ADAMTS12: variants seen among roughly 807,000 people sequenced by gnomAD.
ADAMTS12 encodes ADAM metallopeptidase with thrombospondin type 1 motif 12, also known as A disintegrin and metalloproteinase with thrombospondin motifs 12.
ADAMTS12 carries 118 observed loss-of-function variants against 167.8 expected under a neutral mutation model. The ratio of observed to expected loss-of-function variants is 0.70; its 90% confidence interval spans 0.61 to 0.82. The LOEUF (loss-of-function observed/expected upper bound fraction) is 0.82, where lower values mean the gene tolerates loss of function less well. ADAMTS12 is among the 40% of genes least tolerant of loss of function. The pLI is 0.00. For synonymous variants in ADAMTS12, 704 were observed against 716.9 expected (o/e 0.98, Z 0.29); for missense variants, 1,916 against 1,998.8 (o/e 0.96, Z 0.79).
chr5:33,788,702 G>A (rs1365857108), intron 2 of ADAMTS12, among the ~76,000 whole-genome samples: 5 of 152,098 alleles, frequency 3.3e-5, no homozygotes, highest in African/African-American at 1.2e-4. Context: ...GAAAGAGACG[G>A]GCTATTCAAC....
chr5:33,612,426 T>C (rs757427608), intron 16 of ADAMTS12, among the ~76,000 whole-genome samples: 5 of 152,180 alleles, frequency 3.3e-5, no homozygotes, highest in African/African-American at 9.7e-5. Flanking sequence ...TTCTGAAATA[T>C]TGTGTGTGTG....
Position 33,534,948 on chromosome 5 carries a change from T to A in ADAMTS12, c.4491A>T (p.Gln1497His). ...CGGGFQKRTV[Q>H]CVPSEGNKTE... Reference sequence around the variant, plus strand: ...TTTTATTGCCCTCTGAGGGCACACATTGGACAGTCCTCTTCTGAAAGCCAC... The same window carrying A: ...TTTTATTGCCCTCTGAGGGCACACAATGGACAGTCCTCTTCTGAAAGCCAC... Residue 1497 changes from glutamine to histidine, a missense_variant, in exon 23 of 24, where the codon CAA becomes CAT. By Grantham distance (24) the Gln-to-His change is conservative. Coordinates refer to ENST00000504830, the MANE Select transcript of ADAMTS12 (RefSeq NM_030955.4). The A allele has an allele frequency of 6.2e-7, 1 of 1,613,718 alleles. No homozygotes were observed. Among genetic ancestry groups the A allele is most frequent in the Non-Finnish European group, 8.5e-7 (1 of 1,179,922 alleles).
At chr5:33,654,962 AAAG>A (rs1435953991) in intron 7 of ADAMTS12, among the ~76,000 whole-genome samples, 1 of 151,194 alleles carries the variant, frequency 6.6e-6, no homozygotes, top group Admixed American at 6.6e-5. Context: ...ATATGAGAGA[AAAG>A]AAAAGCCAGG....
chr5:33,873,462 A>T (rs1464544790), intron 2 of ADAMTS12, among the ~76,000 whole-genome samples: 1 of 152,206 alleles, frequency 6.6e-6, no homozygotes, highest in Non-Finnish European at 1.5e-5. Flanking sequence ...GGATAGGAAG[A>T]TTCAATGTTA....
chr5:33,715,277 A>G (rs1053291639), intron 3 of ADAMTS12, among the ~76,000 whole-genome samples: 4 of 152,104 alleles, frequency 2.6e-5, no homozygotes, highest in African/African-American at 7.2e-5. Context: ...TTACAAAACC[A>G]TACTGGGAAA....
rs1318015724 is a variant in ADAMTS12 at position 33,576,946 on chromosome 5, G to A, written c.3080C>T (p.Ser1027Phe). The change falls in exon 19 of 24, where the codon TCC (serine) becomes TTC (phenylalanine). Residue 1027 changes from serine (S) to phenylalanine (F), a missense_variant. Coordinates refer to ENST00000504830, the MANE Select transcript of ADAMTS12 (RefSeq NM_030955.4). Reference sequence around the variant, plus strand: ...GGGTGTGGTCAGCATTCTGGGCCTGGATGTAGGTGGAGGGACGGGCTTTAG... The same window carrying A: ...GGGTGTGGTCAGCATTCTGGGCCTGAATGTAGGTGGAGGGACGGGCTTTAG... ...PTLKPVPPPT[S>F]RPRMLTTPTG... The A allele has an allele frequency of 1.2e-6, 2 of 1,614,086 alleles. No individual in the cohort carries two copies. Among genetic ancestry groups the A allele is most frequent in the African/African-American group, 2.7e-5 (2 of 74,938 alleles).
chr5:33,664,811 T>C (rs1470471768), intron 5 of ADAMTS12, among the ~76,000 whole-genome samples: 3 of 152,136 alleles, frequency 2.0e-5, no homozygotes, highest in Admixed American at 2.0e-4. Flanking sequence ...CCTAAGGATA[T>C]ACAATCAGTA....
chr5:33,578,420 CTAGT>C (rs1190863663), intron 18 of ADAMTS12, among the ~76,000 whole-genome samples: 2 of 152,182 alleles, frequency 1.3e-5, no homozygotes, highest in Admixed American at 1.3e-4. Context: ...ATCCCCAAAC[CTAGT>C]GCAACACACT....
intron 2 of ADAMTS12, among the ~76,000 whole-genome samples, chr5:33,771,707 C>T (rs1383367121): frequency 1.3e-5 from 2 of 151,628 alleles, no homozygotes; most frequent in African/African-American, 2.4e-5. Flanking sequence ...TAAGATGGTA[C>T]ATTTTATATA....
At chr5:33,807,086 T>A (rs542488488) in intron 2 of ADAMTS12, among the ~76,000 whole-genome samples, 1 of 152,354 alleles carries the variant, frequency 6.6e-6, no homozygotes, top group South Asian at 2.1e-4. Flanking sequence ...CTCTGGCCTC[T>A]CTGTGTGTCT....
chr5:33,854,778 G>C (rs1749341031), intron 2 of ADAMTS12, among the ~76,000 whole-genome samples: 1 of 152,168 alleles, frequency 6.6e-6, no homozygotes, highest in African/African-American at 2.4e-5. Flanking sequence ...GCGACAGGAG[G>C]AATTTCCGCC....
intron 23 of ADAMTS12, among the ~76,000 whole-genome samples, chr5:33,533,841 T>C (rs1398954761): frequency 6.6e-6 from 1 of 152,170 alleles, no homozygotes; most frequent in Non-Finnish European, 1.5e-5. Context: ...ATCTTCCCTC[T>C]TTCCCAAAGC....
rs183979631 is a variant in ADAMTS12, at chr5:33,653,952, T to C, written c.1190+4232A>G. Among the ~76,000 whole-genome samples, 259 of 152,318 alleles carry C rather than the reference T, an allele frequency of 1.7e-3. 2 individuals are homozygous for C. The highest frequency in any genetic ancestry group is 3.1e-3 in the South Asian group (15 of 4,826). On this transcript the variant is annotated intron_variant, in intron 7 of 23. Transcript: ENST00000504830. Reference sequence around the variant, plus strand: ...TCCAATGACATGAACGTAAGATCTTTTGTTATATTCTCACGGGTCTCTGAA... The same window carrying C: ...TCCAATGACATGAACGTAAGATCTTCTGTTATATTCTCACGGGTCTCTGAA...
intron 19 of ADAMTS12, among the ~76,000 whole-genome samples, chr5:33,572,550 C>G (rs1465449657): frequency 4.3e-5 from 6 of 140,520 alleles, no homozygotes; most frequent in African/African-American, 8.1e-5. Flanking sequence ...ATTCAACAAG[C>G]CTTCATGCTA....
chr5:33,559,432 C>T (rs933209702), intron 20 of ADAMTS12, among the ~76,000 whole-genome samples: 48 of 152,268 alleles, frequency 3.2e-4, no homozygotes, highest in African/African-American at 9.6e-4. Flanking sequence ...CCTAGTCCAG[C>T]GTGACAAGCA....
intron 3 of ADAMTS12, among the ~76,000 whole-genome samples, chr5:33,700,432 T>C (rs1055528664): frequency 6.6e-6 from 1 of 152,054 alleles, no homozygotes; most frequent in Admixed American, 6.6e-5. Context: ...TCCCAAAGGG[T>C]TAAACACTTT....
chr5:33,700,297 T>C (rs1158842868), intron 3 of ADAMTS12, among the ~76,000 whole-genome samples: 2 of 152,216 alleles, frequency 1.3e-5, no homozygotes, highest in Non-Finnish European at 2.9e-5. Flanking sequence ...CAAATGTGCC[T>C]CAACCAGTGA....
chr5:33,551,730 T>A (rs989986969), intron 20 of ADAMTS12, among the ~76,000 whole-genome samples: 1 of 152,240 alleles, frequency 6.6e-6, no homozygotes, highest in South Asian at 2.1e-4. Flanking sequence ...ATAAAATTTA[T>A]TAATATGCTG....
chr5:33,582,980 G>A (rs1747147117), intron 18 of ADAMTS12, among the ~76,000 whole-genome samples: 1 of 152,138 alleles, frequency 6.6e-6, no homozygotes, highest in Admixed American at 6.5e-5. Context: ...TATCCTTCGA[G>A]TTACAAACAA....
Sources: allele counts gnomAD v4.1 joint callset (sites outside exome capture counted in the v4.1 genomes callset), GRCh38; gene constraint gnomAD v4.1.1; transcripts MANE v1.5; gene names NCBI Gene and HGNC (gene_info 2026-07-23, HGNC 2026-07-21).